CCSER1: variants seen among roughly 807,000 people sequenced by gnomAD.
CCSER1 encodes coiled-coil serine rich protein 1.
In CCSER1, 41 loss-of-function variants were observed where a neutral mutation model predicts 82.0. The ratio of observed to expected loss-of-function variants is 0.50; its 90% CI spans 0.39 to 0.65. The LOEUF is 0.65. Ranked by LOEUF, CCSER1 falls within the 30% of genes least tolerant of loss-of-function variation. The pLI is 0.00. For synonymous variants in CCSER1, 414 were observed against 383.9 expected, an observed-to-expected ratio of 1.08 and a Z score of -0.92; for missense variants, 1,119 against 1,064.2, an observed-to-expected ratio of 1.05 and a Z score of -0.72.
chr4:90,675,607 C>A, intron 6 of CCSER1, among the ~76,000 whole-genome samples: 1 of 36,234 alleles, frequency 2.8e-5, no homozygotes, highest in African/African-American at 9.5e-5. Flanking sequence ...TTTGTTAACA[C>A]ACATGATCTA....
intron 10 of CCSER1, among the ~76,000 whole-genome samples, chr4:91,464,186 T>G (rs1578525200): frequency 1.6e-5 from 2 of 128,894 alleles, no homozygotes; most frequent in African/African-American, 6.3e-5. Context: ...CAGAAGAGAG[T>G]GGGGGCCAAT....
chr4:90,273,339 G>A (rs186082752), intron 1 of CCSER1, among the ~76,000 whole-genome samples: 3 of 151,980 alleles, frequency 2.0e-5, no homozygotes, highest in Non-Finnish European at 2.9e-5. Flanking sequence ...CAATTTAATC[G>A]CATGTTTAAA....
At chr4:90,833,397 A>G (rs1262719315) in intron 8 of CCSER1, among the ~76,000 whole-genome samples, 1 of 152,180 alleles carries the variant, frequency 6.6e-6, no homozygotes, top group African/African-American at 2.4e-5. Flanking sequence ...GGAGACACAG[A>G]CATTCAAACC....
intron 1 of CCSER1, among the ~76,000 whole-genome samples, chr4:90,289,319 G>A (rs1287082148): frequency 6.6e-6 from 1 of 151,774 alleles, no homozygotes; most frequent in Admixed American, 6.6e-5. Flanking sequence ...TAGGAAATTT[G>A]TTAATGGTTA....
At chr4:90,916,285 A>G (rs1727401198) in intron 8 of CCSER1, among the ~76,000 whole-genome samples, 1 of 152,214 alleles carries the variant, frequency 6.6e-6, no homozygotes, top group African/African-American at 2.4e-5. Context: ...TACAGTAACC[A>G]AAGCAGCATG....
intron 6 of CCSER1, among the ~76,000 whole-genome samples, chr4:90,645,530 T>C (rs1727413498): frequency 6.6e-6 from 1 of 152,238 alleles, no homozygotes; most frequent in African/African-American, 2.4e-5. Flanking sequence ...AACATTATTT[T>C]AATTGCGTAT....
At chr4:90,221,149 C>T (rs1171946973) in intron 1 of CCSER1, among the ~76,000 whole-genome samples, 1 of 152,006 alleles carries the variant, frequency 6.6e-6, no homozygotes, top group Non-Finnish European at 1.5e-5. Flanking sequence ...AGGTGGGAAA[C>T]AGGCAATAGA....
At chr4:91,088,310 A>G (rs777322379) in intron 10 of CCSER1, among the ~76,000 whole-genome samples, 1 of 152,172 alleles carries the variant, frequency 6.6e-6, no homozygotes, top group Non-Finnish European at 1.5e-5. Flanking sequence ...CCAAATATTT[A>G]TAAGAAGATT....
chr4:90,862,830 CT>C (rs1280631007), intron 8 of CCSER1, among the ~76,000 whole-genome samples: 1 of 151,154 alleles, frequency 6.6e-6, no homozygotes, highest in Non-Finnish European at 1.5e-5. Context: ...TATGTCTTCT[CT>C]CTCTTTTATT....
At chr4:90,293,505 T>C (rs1268406797) in intron 1 of CCSER1, among the ~76,000 whole-genome samples, 2 of 151,336 alleles carry the variant, frequency 1.3e-5, no homozygotes, top group Non-Finnish European at 1.5e-5. Flanking sequence ...AAATTAACTT[T>C]ACCGTCAAAA....
intron 10 of CCSER1, among the ~76,000 whole-genome samples, chr4:91,506,913 A>G (rs186188904): frequency 6.6e-6 from 1 of 152,260 alleles, no homozygotes; most frequent in East Asian, 1.9e-4. Context: ...TTTTGTGACC[A>G]TCACTTAGCA....
chr4:90,970,881 C>T (rs1735036607), intron 9 of CCSER1, among the ~76,000 whole-genome samples: 1 of 151,638 alleles, frequency 6.6e-6, no homozygotes. Flanking sequence ...AATAGTAACA[C>T]TACATACCAA....
intron 3 of CCSER1, among the ~76,000 whole-genome samples, chr4:90,394,750 C>A (rs1751716238): frequency 6.6e-6 from 1 of 151,888 alleles, no homozygotes; most frequent in Admixed American, 6.6e-5. Flanking sequence ...TTATTTTATA[C>A]ATATATCTTT....
intron 9 of CCSER1, among the ~76,000 whole-genome samples, chr4:91,035,339 A>G (rs1741345546): frequency 6.6e-6 from 1 of 152,156 alleles, no homozygotes; most frequent in Admixed American, 6.6e-5. Context: ...TATTTCTGGA[A>G]CTGAGTCCAG....
chr4:91,178,658 G>C (rs1001716401), intron 10 of CCSER1, among the ~76,000 whole-genome samples: 2 of 152,024 alleles, frequency 1.3e-5, no homozygotes, highest in Non-Finnish European at 2.9e-5. Context: ...CCATTTGCTT[G>C]GTTGATCTTC....
intron 1 of CCSER1, among the ~76,000 whole-genome samples, chr4:90,291,194 A>C (rs996786473): frequency 6.6e-6 from 1 of 152,084 alleles, no homozygotes; most frequent in Admixed American, 6.6e-5. Context: ...TGATTGGATT[A>C]GATTTAATTC....
At chr4:90,648,284 G>GGAAATAAA (rs1727999986) in intron 6 of CCSER1, among the ~76,000 whole-genome samples, 1 of 89,892 alleles carries the variant, frequency 1.1e-5, no homozygotes, top group Non-Finnish European at 2.3e-5. Flanking sequence ...GAGAAAGAAA[G>GGAAATAAA]GAAAGAAAGA....
At chr4:91,275,613 A>G (rs978976392) in intron 10 of CCSER1, among the ~76,000 whole-genome samples, 2 of 152,012 alleles carry the variant, frequency 1.3e-5, no homozygotes, top group African/African-American at 4.8e-5. Context: ...ATTTTCTCTC[A>G]TTCTATAGGT....
chr4:91,135,584 G>T (rs993009793), intron 10 of CCSER1, among the ~76,000 whole-genome samples: 1 of 152,066 alleles, frequency 6.6e-6, no homozygotes, highest in African/African-American at 2.4e-5. Context: ...TTTTAGGGGT[G>T]GTACGAACTT....
Sources: gnomAD v4.1 joint callset for allele counts (sites outside exome capture counted in the v4.1 genomes callset) on GRCh38, gnomAD v4.1.1 for gene constraint, MANE v1.5 for transcripts, NCBI Gene and HGNC (gene_info 2026-07-23, HGNC 2026-07-21) for gene names.